PCDHA6: variants seen among roughly 807,000 people sequenced by gnomAD.
PCDHA6 encodes protocadherin alpha-6.
In PCDHA6, 55 loss-of-function variants were observed where a neutral mutation model predicts 60.3. That is an observed-to-expected ratio of 0.91 (90% CI 0.73 to 1.14). The LOEUF (loss-of-function observed/expected upper bound fraction) is 1.14. Ranked by LOEUF, PCDHA6 falls within the 50% of genes most tolerant of loss-of-function variation. The pLI, the probability that PCDHA6 is intolerant of heterozygous loss-of-function variation, is 0.00. For synonymous variants in PCDHA6, 652 were observed against 557.9 expected (o/e 1.17, Z -2.38); for missense variants, 1,327 against 1,256.5 (o/e 1.06, Z -0.85).
intron 1 of PCDHA6, among the ~76,000 whole-genome samples, chr5:140,971,186 G>T (rs1052745272): frequency 1.8e-4 from 28 of 152,258 alleles, no homozygotes; most frequent in African/African-American, 6.7e-4. Context: ...TAAGCCGGAA[G>T]CTCAGAGGAA....
chr5:140,828,368 G>T lies in PCDHA6; in HGVS notation c.277G>T (p.Glu93Ter). 1 of 1,614,288 alleles carries T rather than the reference G, an allele frequency of 6.2e-7. No individual in the cohort carries two copies. Among genetic ancestry groups the T allele is most frequent in the African/African-American group, 1.3e-5 (1 of 75,086 alleles). Residue 93 changes from glutamate (E) to a stop codon, truncating the protein, a stop_gained, in exon 1 of 4, where the codon GAG becomes TAG. Coordinates refer to ENST00000529310, the MANE Select transcript of PCDHA6 (RefSeq NM_018909.4). LOFTEE classifies it high-confidence loss of function. Reference protein sequence around the residue: ...ILFVNSRIDREELCGRSAECS... With the variant: ...ILFVNSRIDR ...GTTTGTGAATTCTCGGATCGACCGC[G>T]AGGAGCTGTGCGGGCGGAGCGCGGA...
chr5:140,843,058 G>A, intron 1 of PCDHA6: 3 of 1,595,232 alleles, frequency 1.9e-6, no homozygotes, highest in Non-Finnish European at 2.6e-6. Flanking sequence ...CAGCGAGCAA[G>A]CTGGTGCCGC....
At chr5:140,861,018 C>A (rs1263823889) in intron 1 of PCDHA6, 4 of 152,248 alleles carry the variant, frequency 2.6e-5, no homozygotes, top group Non-Finnish European at 4.4e-5. Flanking sequence ...CGAGTGCCAC[C>A]GCACCCGGCC....
chr5:140,844,707 T>C lies in PCDHA6; in HGVS notation c.2394+14222T>C, dbSNP rs2150373340. Among the ~76,000 whole-genome samples, 21 of 149,764 alleles carry C rather than the reference T, an allele frequency of 1.4e-4. 3 individuals carry two copies. The highest frequency in any genetic ancestry group is 3.0e-4 in the Non-Finnish European group (20 of 66,878). ...TTATACAGAATATTTGGGATTATCA[T>C]GGCCCATTAGTTCGTGTAAAAATAT... On this transcript the variant is annotated intron_variant, in intron 1 of 3. Transcript: ENST00000529310.
In PCDHA6 at chr5:140,883,748, C is replaced by T. The variant is rs782541066; in HGVS notation, c.2394+53263C>T. The T allele has an allele frequency of 4.3e-6, 7 of 1,613,146 alleles. No individual in the cohort carries two copies. The East Asian group carries it at 1.6e-4, about 36-fold the overall frequency. On this transcript the variant is annotated intron_variant, in intron 1 of 3. Transcript: ENST00000529310. ...GGAGAACGCGCTGGTCTCCTACTCG[C>T]TGGTGGAGCGGCGGGTGGGCGAGCG... is the stretch of plus-strand genomic sequence containing the variant.
intron 1 of PCDHA6, chr5:140,858,086 C>T (rs1554151138): frequency 6.3e-7 from 1 of 1,597,802 alleles, no homozygotes; most frequent in Admixed American, 1.7e-5. Flanking sequence ...GGCCTCGTCG[C>T]GGGCTTCAGT....
intron 1 of PCDHA6, among the ~76,000 whole-genome samples, chr5:140,969,881 G>A (rs1554232131): frequency 6.6e-6 from 1 of 152,196 alleles, no homozygotes; most frequent in African/African-American, 2.4e-5. Context: ...CTATGTGATA[G>A]GATCCTCTGG....
Position 140,828,695 on chromosome 5 carries a change from A to G in PCDHA6, c.604A>G (p.Arg202Gly), listed in dbSNP as rs2150158000. ...IGLLLKKSLD[R>G]EEAPAHNLFL... ...GCTCTTATTAAAGAAATCCTTGGACAGAGAGGAAGCTCCTGCACACAACTT... is the reference window on the plus strand; with the variant it reads ...GCTCTTATTAAAGAAATCCTTGGACGGAGAGGAAGCTCCTGCACACAACTT... The change falls in exon 1 of 4, where the codon AGA (arginine) becomes GGA (glycine). Residue 202 changes from arginine to glycine, a missense_variant. Transcript: ENST00000529310. The G allele has an allele frequency of 6.2e-7, 1 of 1,614,236 alleles. No individual in the cohort carries two copies. Among genetic ancestry groups the G allele is most frequent in the South Asian group, 1.1e-5 (1 of 91,088 alleles).
At chr5:140,877,276 G>A (rs1038142877) in intron 1 of PCDHA6, 5 of 1,613,744 alleles carry the variant, frequency 3.1e-6, no homozygotes, top group Admixed American at 1.7e-5. Context: ...CGCTGACTCC[G>A]GCTATAACGC....
In PCDHA6 at chr5:141,010,365, A is replaced by G; in HGVS notation, c.*428A>G. 6.8e-7 allele frequency: 1 copy of G among 1,480,028 alleles called. No individual in the cohort carries two copies. The highest frequency in any genetic ancestry group is 1.3e-5 in the South Asian group (1 of 75,134). The allele number at this position is 1,480,028 out of a possible 1,614,324, so 91.7% of individuals were successfully genotyped here. On this transcript the variant is annotated 3_prime_UTR_variant, in exon 4 of 4. Coordinates refer to ENST00000529310, the MANE Select transcript of PCDHA6 (RefSeq NM_018909.4). Reference sequence around the variant, plus strand: ...CTGGGTATGTGTGGCTACCGCGGGTATGCGAGTGCCAGATATTGGCTGAGA... The same window carrying G: ...CTGGGTATGTGTGGCTACCGCGGGTGTGCGAGTGCCAGATATTGGCTGAGA...
Position 140,830,464 on chromosome 5 carries a change from A to T in PCDHA6, c.2373A>T (p.Leu791Phe), listed in dbSNP as rs2150186873. The change falls in exon 1 of 4, where the codon TTA becomes TTT. Residue 791 changes from leucine (L) to phenylalanine (F), a missense_variant. Transcript: ENST00000529310. ...IMMGKAENQD[L>F]NEDHDAKPRQ... The stretch of plus-strand genomic sequence containing the variant: ...TGGGTAAGGCGGAGAATCAGGATTT[A>T]AATGAAGATCATGATGCCAAAGTAA... The T allele has an allele frequency of 6.3e-7, 1 of 1,576,848 alleles. No homozygotes were observed. The highest frequency in any genetic ancestry group is 8.6e-7 in the Non-Finnish European group (1 of 1,158,522).
rs2150153849 is a variant in PCDHA6 at position 140,828,310 on chromosome 5, C to T, written c.219C>T (p.Asp73=). ...LFRMASKDRE[D]LLEVNLQNGI... Reference sequence around the variant, plus strand: ...GGATGGCCTCCAAAGACCGCGAGGACCTTCTGGAGGTAAATCTGCAGAATG... The same window carrying T: ...GGATGGCCTCCAAAGACCGCGAGGATCTTCTGGAGGTAAATCTGCAGAATG... The change falls in exon 1 of 4, where the codon GAC becomes GAT. Residue 73 remains aspartate (D), a synonymous_variant. Coordinates refer to ENST00000529310, the MANE Select transcript of PCDHA6 (RefSeq NM_018909.4). 5.1e-5 allele frequency: 82 copies of T among 1,614,174 alleles called. 1 individual carries two copies. The South Asian group carries it at 8.1e-4, about 16-fold the overall frequency.
intron 1 of PCDHA6, among the ~76,000 whole-genome samples, chr5:140,909,668 CA>C (rs1554193872): frequency 6.6e-6 from 1 of 152,162 alleles, no homozygotes; most frequent in Non-Finnish European, 1.5e-5. Context: ...CTCACTCTAC[CA>C]GTCAGGGAGC....
In PCDHA6 at chr5:140,876,565, G is replaced by C. The variant is rs371696514; in HGVS notation, c.2394+46080G>C. 63 of 1,614,064 alleles carry C rather than the reference G, an allele frequency of 3.9e-5. No homozygotes were observed. In the Middle Eastern group the frequency reaches 4.9e-4, roughly 13 times the overall value. On this transcript the variant is annotated intron_variant, in intron 1 of 3. Transcript: ENST00000529310. ...GCTCCCTGTGCAAGAGGATGCTCAG[G>C]TGGGTACCGTCATTGCCCTGATTAG...
At position 140,951,559 on chromosome 5, in the gene PCDHA6, G is replaced by A. The variant is rs545470803; in HGVS notation, c.2395-27390G>A. On this transcript the variant is annotated intron_variant, in intron 1 of 3. Transcript: ENST00000529310. ...AGCAAGGGACGGGGGGAAGTGCTAC[G>A]CACTTTTAAACAACCAGATTTCACG... 1.6e-4 allele frequency among the ~76,000 whole-genome samples: 25 copies of A among 152,040 alleles called. No individual in the cohort carries two copies. The South Asian group carries it at 5.2e-3, about 32-fold the overall frequency.
chr5:140,903,367 T>G (rs1247838310), intron 1 of PCDHA6, among the ~76,000 whole-genome samples: 1 of 152,188 alleles, frequency 6.6e-6, no homozygotes, highest in African/African-American at 2.4e-5. Flanking sequence ...TTCAAAAATA[T>G]AGGGAGGATT....
At chr5:140,887,236 AC>A (rs1394086851) in intron 1 of PCDHA6, among the ~76,000 whole-genome samples, 1 of 151,804 alleles carries the variant, frequency 6.6e-6, no homozygotes, top group Non-Finnish European at 1.5e-5. Flanking sequence ...AGCTGAGACT[AC>A]CGGCGCCCGC....
Position 140,917,330 on chromosome 5 carries a change from A to AG in PCDHA6, c.2395-61611dup, listed in dbSNP as rs1425400137. Among the ~76,000 whole-genome samples the AG allele has an allele frequency of 2.5e-4, 26 of 103,228 alleles. 2 individuals carry two copies. The highest frequency in any genetic ancestry group is 3.2e-4 in the East Asian group (1 of 3,132). The allele number at this position is 103,228 out of a possible 152,430, so 67.7% of individuals were successfully genotyped here. On this transcript the variant is annotated intron_variant, in intron 1 of 3. Coordinates refer to ENST00000529310, the MANE Select transcript of PCDHA6 (RefSeq NM_018909.4). Reference sequence around the variant, plus strand: ...CAATTTGGTGTTCATGTGGCGGGGGAGGGGGGGGATGGTGTAGGCTTCTGT... The same window carrying AG: ...CAATTTGGTGTTCATGTGGCGGGGGAGGGGGGGGGATGGTGTAGGCTTCTGT...
At chr5:140,998,850 A>T (rs904977478) in intron 3 of PCDHA6, among the ~76,000 whole-genome samples, 1 of 152,234 alleles carries the variant, frequency 6.6e-6, no homozygotes, top group African/African-American at 2.4e-5. Context: ...GGTGTGAGCC[A>T]CATGCCTGGC....
Sources: allele counts gnomAD v4.1 joint callset (sites outside exome capture counted in the v4.1 genomes callset), GRCh38; gene constraint gnomAD v4.1.1; transcripts MANE v1.5; gene names NCBI Gene and HGNC (gene_info 2026-07-23, HGNC 2026-07-21).